Variants in ANKRD52 observed in about 807,000 individuals in gnomAD.
ANKRD52 encodes the protein ankyrin repeat domain 52.
A neutral mutation model predicts 116.0 loss-of-function variants in ANKRD52; 7 were observed. The observed-to-expected ratio is 0.06, with a 90% CI of 0.03 to 0.11. ANKRD52 has a LOEUF of 0.11. ANKRD52 is among the 10% of genes least tolerant of loss of function. The probability of loss-of-function intolerance (pLI) is 1.00; values close to 1 mark genes in which losing one functional copy is unlikely to be tolerated. For missense variants in ANKRD52, 839 were observed against 1,408.6 expected, an observed-to-expected ratio of 0.60 and a Z score of 6.47; for synonymous variants, 528 against 578.1, an observed-to-expected ratio of 0.91 and a Z score of 1.24.
chr12:56,251,970 A>C, intron 15 of ANKRD52, 45 bp downstream of exon 15: 1 of 1,590,538 alleles, frequency 6.3e-7, no homozygotes, highest in South Asian at 1.1e-5. Context: ...CAGAGCTTGC[A>C]TGGGTTGGGG....
At position 56,254,332 on chromosome 12, in the gene ANKRD52, C is replaced by A; in HGVS notation, c.694-53G>T. 1 of 1,569,756 alleles carries A rather than the reference C, an allele frequency of 6.4e-7. No individual in the cohort carries two copies. Among genetic ancestry groups the A allele is most frequent in the Non-Finnish European group, 8.7e-7 (1 of 1,147,416 alleles). On this transcript the variant is annotated intron_variant, in intron 7 of 27. Coordinates refer to ENST00000267116, the MANE Select transcript of ANKRD52 (RefSeq NM_173595.4). The surrounding 1 kb of genome is among the most constrained non-coding windows in gnomAD (Gnocchi z 4.6). ...GGTATCAGTTTAAACAAAGTAGAAGCCAGCACATGTAGCCTCCAGATCCCA... is the reference window on the plus strand; with the variant it reads ...GGTATCAGTTTAAACAAAGTAGAAGACAGCACATGTAGCCTCCAGATCCCA...
At chr12:56,250,603 G>A (rs1440206843) in intron 15 of ANKRD52, among the ~76,000 whole-genome samples, 1 of 151,412 alleles carries the variant, frequency 6.6e-6, no homozygotes, top group Non-Finnish European at 1.5e-5. Context: ...AAAATTGTGG[G>A]CTAGGTGTGG....
At position 56,243,081 on chromosome 12, in the gene ANKRD52, T is replaced by A. The variant is rs1871232964; in HGVS notation, c.*61A>T. ...TTTAAAGTGCCCTAAATGTTTAGAC[T>A]TTTTCTAAATAAATAGAATTAGATA... is the stretch of plus-strand genomic sequence containing the variant. On this transcript the variant is annotated 3_prime_UTR_variant, in exon 28 of 28. Transcript: ENST00000267116. This position sits in a 1 kb window ranked among gnomAD's most constrained non-coding sequence, Gnocchi z 4.6. 6.7e-7 allele frequency: 1 copy of A among 1,488,864 alleles called. No homozygotes were observed. The allele number at this position is 1,488,864 out of a possible 1,614,324, so 92.2% of individuals were successfully genotyped here. A position where few individuals can be genotyped will look rare whatever the true frequency, so the allele number is the denominator to read the frequency against.
At chr12:56,257,962 G>T in intron 1 of ANKRD52, 51 bp from the exon 2 acceptor site, 1 of 1,553,998 alleles carries the variant, frequency 6.4e-7, no homozygotes, top group South Asian at 1.1e-5. Flanking sequence ...GAGCGGAACC[G>T]GTGTGGGGGT....
intron 20 of ANKRD52, among the ~76,000 whole-genome samples, chr12:56,246,776 C>G (rs1283863052): frequency 6.6e-6 from 1 of 151,654 alleles, no homozygotes; most frequent in South Asian, 2.1e-4. Context: ...AAAAATTAGC[C>G]AGGCGTGGTG....
In ANKRD52 at chr12:56,252,663, T is replaced by C. The variant is rs768973986; in HGVS notation, c.1302-93A>G. Reference sequence around the variant, plus strand: ...GGAAGGATGGGACTAGCAAGCCCTTTCTGCTGTGACTGCTTTCATTGTGAG... The same window carrying C: ...GGAAGGATGGGACTAGCAAGCCCTTCCTGCTGTGACTGCTTTCATTGTGAG... On this transcript the variant is annotated intron_variant, in intron 12 of 27. Coordinates refer to ENST00000267116, the MANE Select transcript of ANKRD52 (RefSeq NM_173595.4). This position sits in a 1 kb window ranked among gnomAD's most constrained non-coding sequence, Gnocchi z 4.7. 28 of 1,542,178 alleles carry C rather than the reference T, an allele frequency of 1.8e-5. No individual in the cohort carries two copies. Among genetic ancestry groups the C allele is most frequent in the African/African-American group, 4.1e-5 (3 of 73,264 alleles).
intron 4 of ANKRD52, among the ~76,000 whole-genome samples, chr12:56,256,187 T>C: frequency 6.6e-6 from 1 of 152,200 alleles, no homozygotes; most frequent in East Asian, 1.9e-4. Context: ...CTTACCTTGC[T>C]GATTAAAACA....
intron 18 of ANKRD52, 45 bp from the exon 19 acceptor site, chr12:56,247,819 A>C (rs1429224083): frequency 7.0e-6 from 11 of 1,575,858 alleles, no homozygotes; most frequent in South Asian, 1.1e-5. Context: ...AGGAGGAAGA[A>C]GGGAGGCAAG....
At position 56,248,301 on chromosome 12, in the gene ANKRD52, G is replaced by T; in HGVS notation, c.1777-77C>A. 11 of 1,558,318 alleles carry T rather than the reference G, an allele frequency of 7.1e-6. No homozygotes were observed. The South Asian group carries it at 9.0e-5, about 13-fold the overall frequency. On this transcript the variant is annotated intron_variant, in intron 17 of 27. Coordinates refer to ENST00000267116, the MANE Select transcript of ANKRD52 (RefSeq NM_173595.4). The surrounding 1 kb of genome is among the most constrained non-coding windows in gnomAD (Gnocchi z 5.1). ...TCCCTTCCCCTTCTCTGCTCTTGGG[G>T]TCCCTGGGAAGCTCAAGGTCTTAGT...
Position 56,244,593 on chromosome 12 carries a change from G to A in ANKRD52, c.2722+59C>T, listed in dbSNP as rs1871309846. On this transcript the variant is annotated intron_variant, in intron 24 of 27. Coordinates refer to ENST00000267116, the MANE Select transcript of ANKRD52 (RefSeq NM_173595.4). The surrounding 1 kb of genome is among the most constrained non-coding windows in gnomAD (Gnocchi z 4.9). The stretch of plus-strand genomic sequence containing the variant: ...CCAGCCAGCCTCCACAGGCAGGGCT[G>A]ACCCATCCTGCAAATGCCCCAGGGG... The A allele has an allele frequency of 6.2e-7, 1 of 1,608,606 alleles. No individual in the cohort carries two copies. The highest frequency in any genetic ancestry group is 1.1e-5 in the South Asian group (1 of 90,760).
In ANKRD52 at chr12:56,248,292, G is replaced by A; in HGVS notation, c.1777-68C>T. On this transcript the variant is annotated intron_variant, in intron 17 of 27. Coordinates refer to ENST00000267116, the MANE Select transcript of ANKRD52 (RefSeq NM_173595.4). The surrounding 1 kb of genome is among the most constrained non-coding windows in gnomAD (Gnocchi z 5.1). ...CCCTGCTCCTCCCTTCCCCTTCTCT[G>A]CTCTTGGGGTCCCTGGGAAGCTCAA... 7 of 1,568,220 alleles carry A rather than the reference G, an allele frequency of 4.5e-6. No individual in the cohort carries two copies. The highest frequency in any genetic ancestry group is 1.1e-5 in the South Asian group (1 of 89,510).
chr12:56,243,032 C>G lies in ANKRD52; in HGVS notation c.*110G>C. On this transcript the variant is annotated 3_prime_UTR_variant, in exon 28 of 28. Coordinates refer to ENST00000267116, the MANE Select transcript of ANKRD52 (RefSeq NM_173595.4). This position sits in a 1 kb window ranked among gnomAD's most constrained non-coding sequence, Gnocchi z 4.6. ...TCCCCAGGGCTTCCTTCCCCTCCGC[C>G]CCCTCCACCCAGTCGTGTTCTCCTT... is the stretch of plus-strand genomic sequence containing the variant. 7.2e-7 allele frequency: 1 copy of G among 1,392,280 alleles called. No individual in the cohort carries two copies. The highest frequency in any genetic ancestry group is 9.5e-7 in the Non-Finnish European group (1 of 1,057,052). The allele number at this position is 1,392,280 out of a possible 1,614,324, so 86.2% of individuals were successfully genotyped here.
In ANKRD52 at chr12:56,239,602, C is replaced by CA. The variant is rs1480364894; in HGVS notation, c.*3539dup. On this transcript the variant is annotated 3_prime_UTR_variant, in exon 28 of 28. Transcript: ENST00000267116. ...GGAGCAGTCACTGGAGTCATTTAGACAAAAACACTCATGTGCATAAGATAC... is the reference window on the plus strand; with the variant it reads ...GGAGCAGTCACTGGAGTCATTTAGACAAAAAACACTCATGTGCATAAGATAC... 1 of 152,188 alleles carries CA rather than the reference C, an allele frequency of 6.6e-6. No homozygotes were observed. The highest frequency in any genetic ancestry group is 6.6e-5 in the Admixed American group (1 of 15,258). The allele number at this position is 152,188 out of a possible 1,614,324, so 9.4% of individuals were successfully genotyped here.
Position 56,255,699 on chromosome 12 carries a change from T to C in ANKRD52, c.462+85A>G. The C allele has an allele frequency of 2.2e-6, 3 of 1,344,784 alleles. No individual in the cohort carries two copies. Among genetic ancestry groups the C allele is most frequent in the Non-Finnish European group, 3.1e-6 (3 of 977,938 alleles). 83.3% of individuals were successfully genotyped at this position (1,344,784 alleles called of 1,614,324 possible). The stretch of plus-strand genomic sequence containing the variant: ...CATCCGGGCTGCTTCTCCTTCAGGC[T>C]TGAGGGCCCAGAAGCAGGGAAACGT... On this transcript the variant is annotated intron_variant, in intron 5 of 27. Transcript: ENST00000267116. This position sits in a 1 kb window ranked among gnomAD's most constrained non-coding sequence, Gnocchi z 4.3.
At position 56,241,160 on chromosome 12, in the gene ANKRD52, G is replaced by T. The variant is rs1027110373; in HGVS notation, c.*1982C>A. ...GTGGAGGGAGGTGGGCAAGAGGGGCGTCACAAGGCCCTTTGGCTTTGAAAA... is the reference window on the plus strand; with the variant it reads ...GTGGAGGGAGGTGGGCAAGAGGGGCTTCACAAGGCCCTTTGGCTTTGAAAA... On this transcript the variant is annotated 3_prime_UTR_variant, in exon 28 of 28. Coordinates refer to ENST00000267116, the MANE Select transcript of ANKRD52 (RefSeq NM_173595.4). 6.9e-6 allele frequency: 1 copy of T among 145,948 alleles called. No homozygotes were observed. The highest frequency in any genetic ancestry group is 2.5e-5 in the African/African-American group (1 of 39,350). 9.0% of individuals were successfully genotyped at this position (145,948 alleles called of 1,614,324 possible).
chr12:56,255,283 C>T lies in ANKRD52; in HGVS notation c.463-331G>A, dbSNP rs571640163. On this transcript the variant is annotated intron_variant, in intron 5 of 27. Transcript: ENST00000267116. The surrounding 1 kb of genome is among the most constrained non-coding windows in gnomAD (Gnocchi z 4.3). ...TCGGCTCATTGCAAGCTCCGCCTCCCGGGTTCACGCCATTCTCCTGCCTCA... is the reference window on the plus strand; with the variant it reads ...TCGGCTCATTGCAAGCTCCGCCTCCTGGGTTCACGCCATTCTCCTGCCTCA... Among the ~76,000 whole-genome samples the T allele has an allele frequency of 3.9e-5, 6 of 152,052 alleles. No homozygotes were observed. The highest frequency in any genetic ancestry group is 5.9e-5 in the Non-Finnish European group (4 of 67,980).
At position 56,252,122 on chromosome 12, in the gene ANKRD52, G is replaced by A. The variant is rs757493904; in HGVS notation, c.1512-27C>T. On this transcript the variant is annotated intron_variant, in intron 14 of 27. Transcript: ENST00000267116. This position sits in a 1 kb window ranked among gnomAD's most constrained non-coding sequence, Gnocchi z 4.7. ...TGGGGAAGAGAGAGAGAAAGTTAGG[G>A]CCAGGCTCAGGGAGGTGAATGGGGC... 2 of 1,613,958 alleles carry A rather than the reference G, an allele frequency of 1.2e-6. No homozygotes were observed. The highest frequency in any genetic ancestry group is 1.7e-6 in the Non-Finnish European group (2 of 1,179,854).
chr12:56,257,469 T>C, intron 2 of ANKRD52, 108 bp from the exon 3 acceptor site: 1 of 1,026,372 alleles, frequency 9.7e-7, no homozygotes, highest in Non-Finnish European at 1.5e-6. Context: ...CCTCTTCCCA[T>C]AGTTTCTGCA....
chr12:56,251,801 GT>G (rs112384328), intron 15 of ANKRD52, among the ~76,000 whole-genome samples: 31 of 149,006 alleles, frequency 2.1e-4, no homozygotes, highest in African/African-American at 4.9e-4. Flanking sequence ...ATACTTTTGG[GT>G]TTTTTTTTCC....
Sources: allele counts gnomAD v4.1 joint callset (sites outside exome capture counted in the v4.1 genomes callset), GRCh38; gene constraint gnomAD v4.1.1; non-coding constraint Gnocchi (gnomAD v3.1); transcripts MANE v1.5; gene names NCBI Gene and HGNC (gene_info 2026-07-23, HGNC 2026-07-21).